Variants in TSHZ2 observed in about 807,000 individuals in gnomAD.
The protein encoded by TSHZ2 is teashirt homolog 2.
TSHZ2 carries 21 observed loss-of-function variants against 74.4 expected under a neutral mutation model. The ratio of observed to expected loss-of-function variants is 0.28; its 90% CI spans 0.20 to 0.41. The LOEUF is 0.41. Among genes scored for constraint, TSHZ2 ranks in the 10% least tolerant of loss-of-function variants. The pLI, the probability that TSHZ2 is intolerant of heterozygous loss-of-function variation, is 1.00. For missense variants in TSHZ2, 1,244 were observed against 1,293.5 expected, an observed-to-expected ratio of 0.96 and a Z score of 0.59; for synonymous variants, 540 against 515.3, an observed-to-expected ratio of 1.05 and a Z score of -0.65.
chr20:53,350,383 G>A (rs552540841), intron 2 of TSHZ2, among the ~76,000 whole-genome samples: 7 of 152,348 alleles, frequency 4.6e-5, no homozygotes, highest in Admixed American at 1.3e-4. Flanking sequence ...AAGGTTGGAT[G>A]GACCTCTAGG....
intron 1 of TSHZ2, among the ~76,000 whole-genome samples, chr20:53,218,769 A>G (rs1989491235): frequency 6.6e-6 from 1 of 152,252 alleles, no homozygotes; most frequent in Non-Finnish European, 1.5e-5. Context: ...TGAGAATTCG[A>G]GAAAAATAAG....
intron 1 of TSHZ2, among the ~76,000 whole-genome samples, chr20:53,110,733 TTAAAA>T (rs71194459): frequency 0.21 from 31,064 of 151,056 alleles, 3,909 homozygotes; most frequent in Non-Finnish European, 0.28. Flanking sequence ...GCAGATAACA[TTAAAA>T]TAAAATAAAA....
chr20:53,011,349 C>T (rs537043659), intron 1 of TSHZ2, among the ~76,000 whole-genome samples: 4 of 152,290 alleles, frequency 2.6e-5, no homozygotes, highest in African/African-American at 9.6e-5. Flanking sequence ...ACTTTTAATG[C>T]CCATAACAAA....
At chr20:53,045,562 C>T (rs965400523) in intron 1 of TSHZ2, among the ~76,000 whole-genome samples, 3 of 152,228 alleles carry the variant, frequency 2.0e-5, no homozygotes, top group African/African-American at 7.2e-5. Flanking sequence ...TCTACCTATC[C>T]TGATTCATTC....
At chr20:53,220,757 T>G (rs1454659001) in intron 1 of TSHZ2, among the ~76,000 whole-genome samples, 4 of 151,672 alleles carry the variant, frequency 2.6e-5, no homozygotes, top group Non-Finnish European at 5.9e-5. Context: ...AATGAAGGAC[T>G]AAGAAAATGA....
chr20:53,462,572 C>T (rs1353837298), intron 2 of TSHZ2, among the ~76,000 whole-genome samples: 1 of 152,230 alleles, frequency 6.6e-6, no homozygotes, highest in Non-Finnish European at 1.5e-5. Context: ...TCTACGCAAG[C>T]TTCCCATTAA....
intron 1 of TSHZ2, among the ~76,000 whole-genome samples, chr20:53,062,542 T>C (rs1984855433): frequency 6.6e-6 from 1 of 152,236 alleles, no homozygotes; most frequent in Admixed American, 6.5e-5. Context: ...AACCAACCTC[T>C]GTTACCTTTC....
intron 1 of TSHZ2, among the ~76,000 whole-genome samples, chr20:53,062,885 A>C (rs1984865815): frequency 6.6e-6 from 1 of 152,146 alleles, no homozygotes; most frequent in African/African-American, 2.4e-5. Context: ...TCTAGCCTTT[A>C]ATTTAAAGTG....
intron 1 of TSHZ2, among the ~76,000 whole-genome samples, chr20:53,106,817 C>T (rs145151609): frequency 0.07 from 10,664 of 151,718 alleles, 441 homozygotes; most frequent in Non-Finnish European, 0.1. Flanking sequence ...CCAGCCTCAG[C>T]CTCCCAAGTA....
chr20:53,454,718 T>C (rs1600653432), intron 2 of TSHZ2, among the ~76,000 whole-genome samples: 1 of 152,262 alleles, frequency 6.6e-6, no homozygotes, highest in East Asian at 1.9e-4. Context: ...ACCCTCCCAA[T>C]TGTCCCATAG....
intron 1 of TSHZ2, among the ~76,000 whole-genome samples, chr20:53,125,648 A>G (rs368116469): frequency 2.0e-5 from 3 of 152,110 alleles, no homozygotes; most frequent in African/African-American, 7.2e-5. Context: ...ACACCTGTGG[A>G]CCCCTTTTCA....
intron 2 of TSHZ2, among the ~76,000 whole-genome samples, chr20:53,342,491 C>G (rs1472784181): frequency 6.6e-6 from 1 of 152,112 alleles, no homozygotes; most frequent in Non-Finnish European, 1.5e-5. Context: ...TGAGTTTCCA[C>G]TGGGGGCAAT....
intron 2 of TSHZ2, among the ~76,000 whole-genome samples, chr20:53,286,219 C>T (rs73911262): frequency 0.046 from 6,971 of 152,164 alleles, 237 homozygotes; most frequent in African/African-American, 0.093. Context: ...GCGGAGTGAG[C>T]GGCTTATTAA....
chr20:53,450,509 A>G (rs189020632), intron 2 of TSHZ2, among the ~76,000 whole-genome samples: 25 of 152,288 alleles, frequency 1.6e-4, no homozygotes, highest in African/African-American at 5.8e-4. Context: ...TACTGTGAAG[A>G]AGACTCTAAA....
intron 1 of TSHZ2, among the ~76,000 whole-genome samples, chr20:53,252,667 A>T (rs891394294): frequency 6.6e-6 from 1 of 152,222 alleles, no homozygotes; most frequent in Non-Finnish European, 1.5e-5. Context: ...TCAAATATAT[A>T]ATTGGCATCT....
chr20:53,084,358 G>A (rs1002284074), intron 1 of TSHZ2, among the ~76,000 whole-genome samples: 10 of 152,108 alleles, frequency 6.6e-5, no homozygotes, highest in African/African-American at 9.7e-5. Flanking sequence ...TAGTTTTGTC[G>A]GGGTTTTTTC....
chr20:53,222,244 C>T (rs1285322428), intron 1 of TSHZ2, among the ~76,000 whole-genome samples: 2 of 148,808 alleles, frequency 1.3e-5, no homozygotes, highest in Non-Finnish European at 3.0e-5. Context: ...ATTCTGTCTC[C>T]AAGTACCCAA....
intron 2 of TSHZ2, chr20:53,398,928 CAATA>C (rs1738253736): frequency 8.1e-6 from 1 of 123,762 alleles, no homozygotes; most frequent in South Asian, 2.1e-4. Flanking sequence ...AGTAAGTGCT[CAATA>C]AATATTCAAT....
chr20:53,186,664 A>G (rs556061845), intron 1 of TSHZ2, among the ~76,000 whole-genome samples: 3 of 152,290 alleles, frequency 2.0e-5, no homozygotes, highest in South Asian at 4.1e-4. Context: ...GCCTGCAGGC[A>G]TTCATCACAC....
Sources: allele counts gnomAD v4.1 joint callset (sites outside exome capture counted in the v4.1 genomes callset), GRCh38; gene constraint gnomAD v4.1.1; transcripts MANE v1.5; gene names NCBI Gene and HGNC (gene_info 2026-07-23, HGNC 2026-07-21).